The following TRPS1 variants were observed in gnomAD, a reference collection of about 807,000 sequenced individuals.
TRPS1 encodes the protein zinc finger transcription factor Trps1.
A neutral mutation model predicts 101.2 loss-of-function variants in TRPS1; 6 were observed. That is an observed-to-expected ratio of 0.06 (90% CI 0.03 to 0.12). The LOEUF (loss-of-function observed/expected upper bound fraction) is 0.12, where lower values mean the gene tolerates loss of function less well. Among genes scored for constraint, TRPS1 ranks in the 10% least tolerant of loss-of-function variants. The probability of loss-of-function intolerance (pLI) is 1.00; values close to 1 mark genes in which losing one functional copy is unlikely to be tolerated. For synonymous variants in TRPS1, 578 were observed against 589.8 expected (o/e 0.98, Z 0.29); for missense variants, 1,363 against 1,567.0 (o/e 0.87, Z 2.20).
At chr8:115,542,728 T>C (rs1816483363) in intron 5 of TRPS1, among the ~76,000 whole-genome samples, 1 of 152,162 alleles carries the variant, frequency 6.6e-6, no homozygotes, top group African/African-American at 2.4e-5. Flanking sequence ...GGGATGATGA[T>C]ACTCACCTCA....
chr8:115,579,349 C>T (rs563352696), intron 5 of TRPS1, among the ~76,000 whole-genome samples: 20 of 152,030 alleles, frequency 1.3e-4, no homozygotes, highest in African/African-American at 4.6e-4. Context: ...CTTGTGTTAC[C>T]CAATGTATAT....
intron 5 of TRPS1, among the ~76,000 whole-genome samples, chr8:115,559,808 T>C (rs1188884042): frequency 6.6e-6 from 1 of 152,126 alleles, no homozygotes; most frequent in Non-Finnish European, 1.5e-5. Context: ...CCCCCAGGTG[T>C]ACATCTTTTA....
Position 115,410,907 on chromosome 8 carries a change from T to A in TRPS1, c.*3116A>T, listed in dbSNP as rs1812773594. 1 of 151,920 alleles carries A rather than the reference T, an allele frequency of 6.6e-6. No individual in the cohort carries two copies. Among genetic ancestry groups the A allele is most frequent in the African/African-American group, 2.4e-5 (1 of 41,388 alleles). 9.4% of individuals were successfully genotyped at this position (151,920 alleles called of 1,614,324 possible). ...TCATGAAATTCCTCATTAAAAAAAGTTCCGTACCATAATAGCTCGTTTAAA... is the reference window on the plus strand; with the variant it reads ...TCATGAAATTCCTCATTAAAAAAAGATCCGTACCATAATAGCTCGTTTAAA... On this transcript the variant is annotated 3_prime_UTR_variant, in exon 7 of 7. Transcript: ENST00000395715.
chr8:115,534,422 C>T (rs1328678150), intron 5 of TRPS1, among the ~76,000 whole-genome samples: 8 of 148,580 alleles, frequency 5.4e-5, no homozygotes, highest in South Asian at 2.2e-4. Context: ...AAGCTCTAAC[C>T]GCAGTACCAT....
intron 5 of TRPS1, among the ~76,000 whole-genome samples, chr8:115,543,792 A>G (rs761276097): frequency 2.6e-5 from 4 of 152,124 alleles, no homozygotes; most frequent in Non-Finnish European, 4.4e-5. Context: ...TCACCAGTTT[A>G]TAGATCAATT....
At chr8:115,549,901 T>G (rs997074972) in intron 5 of TRPS1, among the ~76,000 whole-genome samples, 11 of 152,134 alleles carry the variant, frequency 7.2e-5, no homozygotes, top group African/African-American at 2.2e-4. Flanking sequence ...CTTGCTCTAT[T>G]AAAGAAAACA....
intron 5 of TRPS1, among the ~76,000 whole-genome samples, chr8:115,567,635 T>C (rs1036822927): frequency 6.6e-6 from 1 of 152,068 alleles, no homozygotes; most frequent in African/African-American, 2.4e-5. Flanking sequence ...ACATAAAATA[T>C]TCCAAATATC....
intron 5 of TRPS1, among the ~76,000 whole-genome samples, chr8:115,506,034 AATTACCATT>A (rs1234070144): frequency 6.6e-6 from 1 of 152,132 alleles, no homozygotes; most frequent in Non-Finnish European, 1.5e-5. Context: ...TAAAACATTT[AATTACCATT>A]ATTTCTTTTG....
At chr8:115,476,556 G>T (rs941763630) in intron 5 of TRPS1, among the ~76,000 whole-genome samples, 1 of 152,230 alleles carries the variant, frequency 6.6e-6, no homozygotes, top group Admixed American at 6.5e-5. Flanking sequence ...CCTGTGGCTC[G>T]CCTTTTGCCT....
chr8:115,549,307 T>C lies in TRPS1; in HGVS notation c.2700+37694A>G, dbSNP rs1816649564. Among the ~76,000 whole-genome samples the C allele has an allele frequency of 5.3e-5, 8 of 152,334 alleles. No homozygotes were observed. In the South Asian group the frequency reaches 1.7e-3, roughly 32 times the overall value. On this transcript the variant is annotated intron_variant, in intron 5 of 6. Transcript: ENST00000395715. ...ATTCAATCACTGTCAATCTCTTTCATGCAAATGAATATGTATTCAGCATTA... is the reference window on the plus strand; with the variant it reads ...ATTCAATCACTGTCAATCTCTTTCACGCAAATGAATATGTATTCAGCATTA...
intron 5 of TRPS1, among the ~76,000 whole-genome samples, chr8:115,538,281 T>C (rs1816369318): frequency 1.3e-5 from 2 of 152,168 alleles, no homozygotes; most frequent in Admixed American, 1.3e-4. Flanking sequence ...AACTTGAAAG[T>C]TTCTTTTCAA....
intron 5 of TRPS1, among the ~76,000 whole-genome samples, chr8:115,553,408 T>C (rs751889208): frequency 2.6e-5 from 4 of 152,116 alleles, no homozygotes; most frequent in Non-Finnish European, 2.9e-5. Context: ...ACTCTATGTA[T>C]AGGTATATGT....
chr8:115,649,048 G>A (rs144624989), intron 1 of TRPS1, among the ~76,000 whole-genome samples: 107 of 152,212 alleles, frequency 7.0e-4, no homozygotes, highest in African/African-American at 2.3e-3. Flanking sequence ...ACTTTTTACT[G>A]TAATGGGGCC....
At chr8:115,634,639 T>C (rs1040715246) in intron 1 of TRPS1, among the ~76,000 whole-genome samples, 1 of 152,172 alleles carries the variant, frequency 6.6e-6, no homozygotes, top group Non-Finnish European at 1.5e-5. Flanking sequence ...TTATTGAGCC[T>C]GCAAACCAGG....
chr8:115,510,943 C>T (rs149088417), intron 5 of TRPS1: 2 of 152,004 alleles, frequency 1.3e-5, no homozygotes, highest in African/African-American at 4.8e-5. Flanking sequence ...TACTTCATCA[C>T]TAATTCATGC....
At chr8:115,652,721 T>C (rs1322678157) in intron 1 of TRPS1, among the ~76,000 whole-genome samples, 3 of 152,250 alleles carry the variant, frequency 2.0e-5, no homozygotes, top group Non-Finnish European at 2.9e-5. Context: ...GTAATCAATC[T>C]ACAACTGGAT....
intron 5 of TRPS1, among the ~76,000 whole-genome samples, chr8:115,523,646 G>T (rs1315501231): frequency 6.6e-6 from 1 of 152,136 alleles, no homozygotes; most frequent in Non-Finnish European, 1.5e-5. Context: ...AATATTTAAA[G>T]GTTTCTCTGT....
intron 4 of TRPS1, among the ~76,000 whole-genome samples, chr8:115,596,807 T>C (rs1056234347): frequency 6.6e-6 from 1 of 151,878 alleles, no homozygotes; most frequent in Non-Finnish European, 1.5e-5. Flanking sequence ...TGCATGCATA[T>C]GATATTCATA....
intron 5 of TRPS1, among the ~76,000 whole-genome samples, chr8:115,493,495 G>C (rs1563550459): frequency 6.6e-6 from 1 of 151,978 alleles, no homozygotes; most frequent in Non-Finnish European, 1.5e-5. Flanking sequence ...GATTACACAT[G>C]TGCGCCATGA....
Sources: gnomAD v4.1 joint callset for allele counts (sites outside exome capture counted in the v4.1 genomes callset) on GRCh38, gnomAD v4.1.1 for gene constraint, MANE v1.5 for transcripts, NCBI Gene and HGNC (gene_info 2026-07-23, HGNC 2026-07-21) for gene names.